The following PLEKHA7 variants were observed in gnomAD, a reference collection of about 807,000 sequenced individuals.
PLEKHA7 encodes pleckstrin homology domain containing A7, also known as pleckstrin homology domain-containing family A member 7.
A neutral mutation model predicts 170.0 loss-of-function variants in PLEKHA7; 104 were observed. The observed-to-expected ratio is 0.61, with a 90% confidence interval of 0.52 to 0.72. The LOEUF is 0.72. Among genes scored for constraint, PLEKHA7 ranks in the 30% least tolerant of loss-of-function variants. The probability of loss-of-function intolerance (pLI) is 0.00; values close to 1 mark genes in which losing one functional copy is unlikely to be tolerated. For synonymous variants in PLEKHA7, 648 were observed against 660.8 expected, an observed-to-expected ratio of 0.98 and a Z score of 0.30; for missense variants, 1,615 against 1,671.7, an observed-to-expected ratio of 0.97 and a Z score of 0.59.
intron 13 of PLEKHA7, among the ~76,000 whole-genome samples, chr11:16,810,703 T>C (rs550511745): frequency 1.3e-5 from 2 of 152,322 alleles, no homozygotes; most frequent in South Asian, 2.1e-4. Flanking sequence ...GTAACTTGCC[T>C]CTCTCTATCC....
intron 3 of PLEKHA7, among the ~76,000 whole-genome samples, chr11:16,979,179 G>A (rs558521892): frequency 4.7e-4 from 71 of 152,196 alleles, no homozygotes; most frequent in African/African-American, 1.5e-3. Context: ...TTACAGGCGC[G>A]CTACCACGCC....
At chr11:16,847,191 G>A (rs1027456123) in intron 8 of PLEKHA7, among the ~76,000 whole-genome samples, 7 of 140,626 alleles carry the variant, frequency 5.0e-5, no homozygotes, top group South Asian at 2.4e-4. Context: ...CCGTCTCCCC[G>A]GTTCATGCCA....
chr11:16,783,479 A>C (rs1849188572), intron 25 of PLEKHA7, among the ~76,000 whole-genome samples: 1 of 152,234 alleles, frequency 6.6e-6, no homozygotes, highest in Non-Finnish European at 1.5e-5. Context: ...CCAGGACAAG[A>C]AGCCTCTACG....
In PLEKHA7 at chr11:16,801,157, A is replaced by G. The variant is rs1848571088; in HGVS notation, c.2308-82T>C. The G allele has an allele frequency of 3.8e-5, 45 of 1,182,282 alleles. No individual in the cohort carries two copies. The South Asian group carries it at 5.3e-4, about 14-fold the overall frequency. The allele number at this position is 1,182,282 out of a possible 1,614,324, so 73.2% of individuals were successfully genotyped here. On this transcript the variant is annotated intron_variant, in intron 16 of 26. Transcript: ENST00000531066. Reference sequence around the variant, plus strand: ...CTCACGAACACCTGTACTCCTGACCATGCTGACCCAGCCAGGGGAAGAGGG... The same window carrying G: ...CTCACGAACACCTGTACTCCTGACCGTGCTGACCCAGCCAGGGGAAGAGGG...
intron 3 of PLEKHA7, among the ~76,000 whole-genome samples, chr11:16,961,145 T>G (rs1168688787): frequency 6.6e-6 from 1 of 152,182 alleles, no homozygotes; most frequent in Non-Finnish European, 1.5e-5. Flanking sequence ...CCCTCAAGTT[T>G]TAGAAAAATC....
intron 3 of PLEKHA7, among the ~76,000 whole-genome samples, chr11:16,977,877 G>T (rs1174943900): frequency 6.6e-6 from 1 of 152,170 alleles, no homozygotes; most frequent in East Asian, 1.9e-4. Context: ...AGATGAGGTA[G>T]AGTATTTCCC....
intron 3 of PLEKHA7, among the ~76,000 whole-genome samples, chr11:16,907,656 T>A (rs1445319384): frequency 8.6e-6 from 1 of 116,296 alleles, no homozygotes; most frequent in Non-Finnish European, 2.0e-5. Context: ...GGAGCCCCTC[T>A]GCCCGGCCAG....
chr11:16,958,476 G>C (rs1861844030), intron 3 of PLEKHA7, among the ~76,000 whole-genome samples: 1 of 152,196 alleles, frequency 6.6e-6, no homozygotes, highest in South Asian at 2.1e-4. Flanking sequence ...ATATGCATGA[G>C]AAAGGAAAGA....
intron 3 of PLEKHA7, among the ~76,000 whole-genome samples, chr11:16,928,185 G>T (rs915463507): frequency 1.3e-5 from 2 of 152,168 alleles, no homozygotes; most frequent in African/African-American, 2.4e-5. Flanking sequence ...GTTCACGCCT[G>T]TAATCCTAGC....
At chr11:16,925,229 A>G (rs935375172) in intron 3 of PLEKHA7, among the ~76,000 whole-genome samples, 2 of 152,192 alleles carry the variant, frequency 1.3e-5, no homozygotes, top group African/African-American at 4.8e-5. Context: ...CTGCTGAGGT[A>G]ATCCTGTTAA....
chr11:16,896,147 C>T (rs931946644), intron 3 of PLEKHA7, among the ~76,000 whole-genome samples: 24 of 152,204 alleles, frequency 1.6e-4, no homozygotes, highest in African/African-American at 5.5e-4. Context: ...TCCCAGATCC[C>T]TATATCCAAC....
chr11:16,959,900 C>T (rs533723097), intron 3 of PLEKHA7, among the ~76,000 whole-genome samples: 34 of 152,236 alleles, frequency 2.2e-4, no homozygotes, highest in Middle Eastern at 3.4e-3. Flanking sequence ...GCAGGGCCTG[C>T]CTCCCCGGGC....
At chr11:16,808,302 C>T (rs533208551) in intron 13 of PLEKHA7, among the ~76,000 whole-genome samples, 2 of 152,310 alleles carry the variant, frequency 1.3e-5, no homozygotes, top group South Asian at 2.1e-4. Flanking sequence ...CAACAGTTCT[C>T]GTTCATAGCC....
intron 9 of PLEKHA7, 91 bp from the exon 10 acceptor site, chr11:16,826,681 C>T: frequency 8.7e-7 from 1 of 1,153,442 alleles, no homozygotes; most frequent in Non-Finnish European, 1.2e-6. Flanking sequence ...GGCCTTTGCA[C>T]AGGCTATTCC....
At chr11:16,790,023 G>A in intron 21 of PLEKHA7, 145 bp from the exon 22 acceptor site, 1 of 744,522 alleles carries the variant, frequency 1.3e-6, no homozygotes. Flanking sequence ...CCAGGGCATG[G>A]AGGAGCAAGG....
chr11:16,980,443 C>T (rs1036650318), intron 3 of PLEKHA7, among the ~76,000 whole-genome samples: 17 of 152,212 alleles, frequency 1.1e-4, no homozygotes, highest in Non-Finnish European at 1.6e-4. Flanking sequence ...AATCCCCAGA[C>T]ACTCCCCAGT....
rs1382300344 is a variant in PLEKHA7 at position 16,864,118 on chromosome 11, G to A, written c.305+6981C>T. 1.3e-5 allele frequency among the ~76,000 whole-genome samples: 2 copies of A among 152,158 alleles called. 1 individual carries two copies. The highest frequency in any genetic ancestry group is 2.9e-5 in the Non-Finnish European group (2 of 68,030). On this transcript the variant is annotated intron_variant, in intron 4 of 26. Transcript: ENST00000531066. ...CAGAAGACCTCTGAAATGAGAAGCA[G>A]TATAGCATAGTGTTTAGAAGCATGG...
chr11:17,006,843 T>A (rs11024110), intron 3 of PLEKHA7, among the ~76,000 whole-genome samples: 35,381 of 152,076 alleles, frequency 0.23, 5,178 homozygotes, highest in East Asian at 0.38. Flanking sequence ...CTGGCTTTCC[T>A]AAGGGCCTTC....
At chr11:16,832,946 T>C (rs534651698) in intron 9 of PLEKHA7, among the ~76,000 whole-genome samples, 1 of 152,312 alleles carries the variant, frequency 6.6e-6, no homozygotes, top group East Asian at 1.9e-4. Flanking sequence ...GAACCCACTC[T>C]GGGCATAATC....
Sources: gnomAD v4.1 joint callset for allele counts (sites outside exome capture counted in the v4.1 genomes callset) on GRCh38, gnomAD v4.1.1 for gene constraint, MANE v1.5 for transcripts, NCBI Gene and HGNC (gene_info 2026-07-23, HGNC 2026-07-21) for gene names.